Variants in RALGPS1 observed in about 807,000 individuals in gnomAD.
The protein encoded by RALGPS1 is Ral GEF with PH domain and SH3 binding motif 1.
A neutral mutation model predicts 78.8 loss-of-function variants in RALGPS1; 19 were observed. The observed-to-expected ratio is 0.24, with a 90% CI of 0.17 to 0.35. RALGPS1 has a LOEUF of 0.35. Ranked by LOEUF, RALGPS1 falls within the 10% of genes least tolerant of loss-of-function variation. RALGPS1 has a pLI of 1.00. For synonymous variants in RALGPS1, 228 were observed against 256.3 expected, an observed-to-expected ratio of 0.89 and a Z score of 1.06; for missense variants, 454 against 688.3, an observed-to-expected ratio of 0.66 and a Z score of 3.81.
At chr9:127,192,920 G>A (rs528175124) in intron 11 of RALGPS1, among the ~76,000 whole-genome samples, 2 of 152,322 alleles carry the variant, frequency 1.3e-5, no homozygotes, top group African/African-American at 2.4e-5. Context: ...GGTGCCAAGG[G>A]CTCTGGGAGG....
chr9:127,005,970 G>A (rs2043802061), intron 4 of RALGPS1, among the ~76,000 whole-genome samples: 1 of 152,156 alleles, frequency 6.6e-6, no homozygotes, highest in Non-Finnish European at 1.5e-5. Context: ...AATCTGCAGA[G>A]ACCAATAGAT....
chr9:127,093,992 C>A (rs1454977963), intron 8 of RALGPS1: 2 of 1,551,876 alleles, frequency 1.3e-6, no homozygotes, highest in East Asian at 2.3e-5. Flanking sequence ...CCCAGCTGCA[C>A]CCCAAGCAGG....
rs954653409 is a variant in RALGPS1 at position 127,212,488 on chromosome 9, T to G, written c.1354-139T>G. The G allele has an allele frequency of 1.2e-5, 8 of 672,448 alleles. No homozygotes were observed. Among genetic ancestry groups the G allele is most frequent in the Admixed American group, 9.1e-5 (3 of 32,796 alleles). 41.7% of individuals were successfully genotyped at this position (672,448 alleles called of 1,614,324 possible). On this transcript the variant is annotated intron_variant, in intron 15 of 18. Transcript: ENST00000259351. This position sits in a 1 kb window ranked among gnomAD's most constrained non-coding sequence, Gnocchi z 6.0. ...TCTTGGTCCTAGGTGGAAGTTGGCA[T>G]TGCCAGGGGGTGGTGGAGGGCCAGG...
At chr9:127,120,496 A>T (rs2055932285) in intron 8 of RALGPS1, among the ~76,000 whole-genome samples, 1 of 152,168 alleles carries the variant, frequency 6.6e-6, no homozygotes, top group Non-Finnish European at 1.5e-5. Context: ...ATTTTCTGAA[A>T]ACCCTAGCAG....
At chr9:127,085,617 C>G (rs543634898) in intron 8 of RALGPS1, among the ~76,000 whole-genome samples, 1 of 152,248 alleles carries the variant, frequency 6.6e-6, no homozygotes, top group East Asian at 1.9e-4. Context: ...AAGATTCAGT[C>G]TTGGGTATTG....
intron 8 of RALGPS1, among the ~76,000 whole-genome samples, chr9:127,146,135 T>A (rs1044254527): frequency 1.3e-5 from 2 of 152,196 alleles, no homozygotes; most frequent in Non-Finnish European, 1.5e-5. Flanking sequence ...ACGGGAATAT[T>A]GCATGATGCT....
intron 4 of RALGPS1, among the ~76,000 whole-genome samples, chr9:127,009,313 T>C (rs1334976539): frequency 6.6e-6 from 1 of 152,174 alleles, no homozygotes; most frequent in Admixed American, 6.5e-5. Context: ...TCATCCTTTA[T>C]CATGGATTGT....
chr9:127,133,987 TA>T (rs1322579794), intron 8 of RALGPS1, among the ~76,000 whole-genome samples: 1 of 146,976 alleles, frequency 6.8e-6, no homozygotes, highest in Non-Finnish European at 1.5e-5. Flanking sequence ...ATCCCCTTAG[TA>T]AATGCTCTTG....
intron 8 of RALGPS1, among the ~76,000 whole-genome samples, chr9:127,117,553 T>A (rs1244281305): frequency 6.6e-6 from 1 of 152,152 alleles, no homozygotes; most frequent in Non-Finnish European, 1.5e-5. Context: ...TGCAAAGAGA[T>A]CCATGCCCAG....
chr9:127,061,043 C>T (rs980862963), intron 7 of RALGPS1, among the ~76,000 whole-genome samples: 1 of 152,168 alleles, frequency 6.6e-6, no homozygotes, highest in Non-Finnish European at 1.5e-5. Context: ...GGTCTGTCCT[C>T]GTGAGTGTTT....
In RALGPS1 at chr9:127,168,779, C is replaced by A. The variant is rs572076251; in HGVS notation, c.842+7C>A. The A allele has an allele frequency of 1.9e-6, 3 of 1,595,210 alleles. No homozygotes were observed. The highest frequency in any genetic ancestry group is 2.2e-5 in the South Asian group (2 of 90,696). ...TGGAAGACGACAACTACAAGTAAGT[C>A]CCCACGTATTCCTGTGTCAGGCCTC... On this transcript the variant is annotated splice_region_variant and intron_variant, in intron 10 of 18. Transcript: ENST00000259351.
At chr9:127,166,301 A>G in intron 9 of RALGPS1, 95 bp downstream of exon 9, 14 of 1,421,694 alleles carry the variant, frequency 9.8e-6, no homozygotes, top group Non-Finnish European at 1.3e-5. Context: ...AAAGAACTAC[A>G]AAGTTCCTCA....
At chr9:127,002,636 C>T (rs1429540695) in intron 4 of RALGPS1, among the ~76,000 whole-genome samples, 1 of 138,740 alleles carries the variant, frequency 7.2e-6, no homozygotes, top group African/African-American at 2.7e-5. Context: ...GTGATATTCC[C>T]CTTCCTGTGT....
intron 1 of RALGPS1, among the ~76,000 whole-genome samples, chr9:126,917,976 C>T (rs2034348274): frequency 1.3e-5 from 2 of 152,162 alleles, no homozygotes; most frequent in Non-Finnish European, 2.9e-5. Context: ...TTTAGTTCTT[C>T]TTTTAAAAAT....
chr9:126,952,945 T>C (rs1212140628), intron 1 of RALGPS1, among the ~76,000 whole-genome samples: 7 of 152,194 alleles, frequency 4.6e-5, no homozygotes, highest in Middle Eastern at 3.2e-3. Context: ...TTTTCATACT[T>C]GTCTGAAACA....
chr9:127,155,138 C>T (rs534909343), intron 8 of RALGPS1, among the ~76,000 whole-genome samples: 13 of 152,250 alleles, frequency 8.5e-5, no homozygotes, highest in East Asian at 1.9e-4. Flanking sequence ...GCCTGGCAAC[C>T]GCAGCCACCC....
chr9:126,926,500 G>A (rs1162358031), intron 1 of RALGPS1, among the ~76,000 whole-genome samples: 1 of 152,188 alleles, frequency 6.6e-6, no homozygotes, highest in Non-Finnish European at 1.5e-5. Context: ...ATGGTGGACA[G>A]TGTGGTGTTG....
chr9:127,019,253 G>A (rs1344593580), intron 4 of RALGPS1, among the ~76,000 whole-genome samples: 1 of 152,160 alleles, frequency 6.6e-6, no homozygotes, highest in African/African-American at 2.4e-5. Context: ...AAACTTAGAT[G>A]AGAAAGGCTG....
intron 14 of RALGPS1, among the ~76,000 whole-genome samples, chr9:127,202,179 A>C (rs1232541421): frequency 6.6e-6 from 1 of 152,196 alleles, no homozygotes; most frequent in Non-Finnish European, 1.5e-5. Flanking sequence ...GGAAGACCCC[A>C]GGCCAGTTCC....
Sources: allele counts gnomAD v4.1 joint callset (sites outside exome capture counted in the v4.1 genomes callset), GRCh38; gene constraint gnomAD v4.1.1; non-coding constraint Gnocchi (gnomAD v3.1); transcripts MANE v1.5; gene names NCBI Gene and HGNC (gene_info 2026-07-23, HGNC 2026-07-21).